ASTN1: variants seen among roughly 807,000 people sequenced by gnomAD.
The protein encoded by ASTN1 is astrotactin-1.
Under a neutral mutation model 140.7 loss-of-function variants are expected in ASTN1, and 41 were observed. That is an observed-to-expected ratio of 0.29 (90% CI 0.23 to 0.38). The LOEUF (loss-of-function observed/expected upper bound fraction) is 0.38. Among genes scored for constraint, ASTN1 ranks in the 10% least tolerant of loss-of-function variants. ASTN1 has a pLI of 1.00. For synonymous variants in ASTN1, 640 were observed against 652.2 expected (o/e 0.98, Z 0.29); for missense variants, 1,479 against 1,678.8 (o/e 0.88, Z 2.08).
At chr1:177,007,004 A>G (rs1272812659) in intron 8 of ASTN1, among the ~76,000 whole-genome samples, 1 of 152,116 alleles carries the variant, frequency 6.6e-6, no homozygotes, top group Non-Finnish European at 1.5e-5. Context: ...TAACCAACTG[A>G]CTTGTCTCCA....
chr1:176,885,323 G>C (rs1344495625), intron 18 of ASTN1, among the ~76,000 whole-genome samples: 1 of 152,070 alleles, frequency 6.6e-6, no homozygotes, highest in Non-Finnish European at 1.5e-5. Flanking sequence ...ATACCTCTCT[G>C]TACCTCGCAG....
intron 1 of ASTN1, among the ~76,000 whole-genome samples, chr1:177,077,341 G>C (rs1678966562): frequency 1.3e-5 from 2 of 152,090 alleles, no homozygotes; most frequent in Non-Finnish European, 1.5e-5. Context: ...GAGCACGCTA[G>C]TTAGTTAAAG....
intron 7 of ASTN1, among the ~76,000 whole-genome samples, chr1:177,015,516 G>C (rs1249170504): frequency 1.3e-5 from 2 of 152,184 alleles, no homozygotes; most frequent in Non-Finnish European, 2.9e-5. Context: ...GGAACTCTGG[G>C]TTTTAGCTTT....
At chr1:177,021,302 A>G (rs1675812848) in intron 7 of ASTN1, among the ~76,000 whole-genome samples, 1 of 152,222 alleles carries the variant, frequency 6.6e-6, no homozygotes. Context: ...TTGAGAAGCT[A>G]TTAGCAGGGG....
intron 2 of ASTN1, 133 bp from the exon 3 acceptor site, chr1:177,032,982 A>G: frequency 1.8e-6 from 2 of 1,132,900 alleles, no homozygotes; most frequent in Non-Finnish European, 2.4e-6. Flanking sequence ...AAGCATTTAC[A>G]GCAAGCATCA....
chr1:176,873,770 C>G (rs1404053017), intron 21 of ASTN1, among the ~76,000 whole-genome samples: 1 of 152,134 alleles, frequency 6.6e-6, no homozygotes, highest in Non-Finnish European at 1.5e-5. Context: ...TTCACTGTCT[C>G]AACACTAAAT....
At chr1:176,979,636 C>T (rs1258153014) in intron 8 of ASTN1, among the ~76,000 whole-genome samples, 1 of 152,124 alleles carries the variant, frequency 6.6e-6, no homozygotes, top group African/African-American at 2.4e-5. Context: ...GCCTTCTTGT[C>T]ACTGTATTAG....
At chr1:177,030,983 T>G (rs1676409017) in intron 3 of ASTN1, 31 bp from the exon 4 acceptor site, 1 of 1,593,974 alleles carries the variant, frequency 6.3e-7, no homozygotes, top group African/African-American at 1.3e-5. Flanking sequence ...GCAAAAACTT[T>G]AAGAGAAAAG....
chr1:177,145,943 T>C (rs1682702228), intron 1 of ASTN1, among the ~76,000 whole-genome samples: 1 of 152,186 alleles, frequency 6.6e-6, no homozygotes, highest in African/African-American at 2.4e-5. Flanking sequence ...CTAAAAATTA[T>C]TGAGAATCAC....
intron 5 of ASTN1, among the ~76,000 whole-genome samples, chr1:177,028,529 A>T (rs959089619): frequency 1.5e-4 from 23 of 152,236 alleles, no homozygotes; most frequent in African/African-American, 5.3e-4. Context: ...AAGTGGAGGT[A>T]CGAGAGAATA....
intron 8 of ASTN1, among the ~76,000 whole-genome samples, chr1:176,985,174 C>T (rs1440393431): frequency 6.6e-6 from 1 of 152,224 alleles, no homozygotes; most frequent in Non-Finnish European, 1.5e-5. Context: ...TCACTTTCAT[C>T]TGCCAGGGGT....
Position 176,863,260 on chromosome 1 carries a change from G to A in ASTN1, c.*1024C>T. On this transcript the variant is annotated 3_prime_UTR_variant, in exon 23 of 23. Coordinates refer to ENST00000361833, the MANE Select transcript of ASTN1 (RefSeq NM_004319.3). The stretch of plus-strand genomic sequence containing the variant: ...TTTAGCAAGGTGGGGATGAACAGAA[G>A]TTTTTTGTGATCAATAATAGCTTTA... The A allele has an allele frequency of 1.0e-6, 1 of 985,896 alleles. No homozygotes were observed. The allele number at this position is 985,896 out of a possible 1,614,324, so 61.1% of individuals were successfully genotyped here.
chr1:177,116,777 T>G (rs1420188399), intron 1 of ASTN1, among the ~76,000 whole-genome samples: 1 of 152,168 alleles, frequency 6.6e-6, no homozygotes, highest in African/African-American at 2.4e-5. Flanking sequence ...TTCCTTTGAC[T>G]CATTTGACCC....
intron 1 of ASTN1, among the ~76,000 whole-genome samples, chr1:177,093,954 A>G (rs1279109402): frequency 6.6e-6 from 1 of 152,176 alleles, no homozygotes; most frequent in Admixed American, 6.5e-5. Context: ...ATCTACATAT[A>G]AATACTGATA....
At chr1:177,000,529 T>C (rs1674677126) in intron 8 of ASTN1, among the ~76,000 whole-genome samples, 1 of 152,180 alleles carries the variant, frequency 6.6e-6, no homozygotes, top group South Asian at 2.1e-4. Flanking sequence ...GACATTAACA[T>C]GTAGCCAGCC....
chr1:177,157,999 G>C (rs1312252878), intron 1 of ASTN1, among the ~76,000 whole-genome samples: 2 of 152,008 alleles, frequency 1.3e-5, no homozygotes, highest in African/African-American at 4.8e-5. Context: ...TATATTTCTA[G>C]TCTCCTGATA....
At chr1:177,005,821 C>G (rs1343042328) in intron 8 of ASTN1, among the ~76,000 whole-genome samples, 1 of 152,152 alleles carries the variant, frequency 6.6e-6, no homozygotes, top group Non-Finnish European at 1.5e-5. Flanking sequence ...GTTGACCAGG[C>G]TAGTCCCAAA....
rs151264046 is a variant in ASTN1, at chr1:176,941,575, C to G, written c.2377+2316G>C. ...AGTACTTTCTATCGTGAATGAGCAC[C>G]AGGTTTGGATCTTTCCTTGTTCCCA... On this transcript the variant is annotated intron_variant, in intron 14 of 22. Transcript: ENST00000361833. Among the ~76,000 whole-genome samples, 123 of 152,242 alleles carry G rather than the reference C, an allele frequency of 8.1e-4. No homozygotes were observed. The East Asian group carries it at 0.019, about 24-fold the overall frequency.
intron 8 of ASTN1, among the ~76,000 whole-genome samples, chr1:177,014,275 T>A (rs1265387852): frequency 6.6e-6 from 1 of 152,176 alleles, no homozygotes; most frequent in Non-Finnish European, 1.5e-5. Flanking sequence ...AAAACAAAAG[T>A]CTCATTGGGA....
Sources: gnomAD v4.1 joint callset for allele counts (sites outside exome capture counted in the v4.1 genomes callset) on GRCh38, gnomAD v4.1.1 for gene constraint, MANE v1.5 for transcripts, NCBI Gene and HGNC (gene_info 2026-07-23, HGNC 2026-07-21) for gene names.